DLG2: variants seen among roughly 807,000 people sequenced by gnomAD.
The protein encoded by DLG2 is discs large MAGUK scaffold protein 2, also known as disks large homolog 2.
In DLG2, 45 loss-of-function variants were observed where a neutral mutation model predicts 132.5. The ratio of observed to expected loss-of-function variants is 0.34; its 90% CI spans 0.27 to 0.44. DLG2 has a LOEUF of 0.44. DLG2 is among the 20% of genes least tolerant of loss of function. DLG2 has a pLI of 1.00. For synonymous variants in DLG2, 424 were observed against 419.6 expected (o/e 1.01, Z -0.13); for missense variants, 1,045 against 1,196.9 (o/e 0.87, Z 1.87).
chr11:85,333,725 CA>C (rs777090371), intron 3 of DLG2, among the ~76,000 whole-genome samples: 10 of 152,104 alleles, frequency 6.6e-5, no homozygotes, highest in Admixed American at 5.2e-4. Flanking sequence ...TGTGATGAAT[CA>C]AATTTATTGA....
chr11:85,297,295 A>T (rs2079293575), intron 3 of DLG2, among the ~76,000 whole-genome samples: 2 of 152,172 alleles, frequency 1.3e-5, no homozygotes, highest in South Asian at 4.1e-4. Context: ...CTAAAGTGAT[A>T]GTGGAAAGCC....
intron 6 of DLG2, among the ~76,000 whole-genome samples, chr11:85,009,222 A>ATTC (rs2058948671): frequency 6.6e-6 from 1 of 152,134 alleles, no homozygotes. Flanking sequence ...CCAGAGACCT[A>ATTC]TTATAACCAG....
At chr11:84,187,657 T>C (rs1182378144) in intron 8 of DLG2, among the ~76,000 whole-genome samples, 1 of 152,046 alleles carries the variant, frequency 6.6e-6, no homozygotes, top group Non-Finnish European at 1.5e-5. Context: ...GGTATTGTCA[T>C]CAGCAAAATC....
intron 3 of DLG2, among the ~76,000 whole-genome samples, chr11:85,367,167 T>C (rs539743795): frequency 6.6e-6 from 1 of 152,272 alleles, no homozygotes; most frequent in African/African-American, 2.4e-5. Flanking sequence ...ATCCCTTTAA[T>C]TTAGTTTAAT....
chr11:84,439,970 T>C (rs2099012685), intron 7 of DLG2, among the ~76,000 whole-genome samples: 1 of 152,210 alleles, frequency 6.6e-6, no homozygotes, highest in Non-Finnish European at 1.5e-5. Flanking sequence ...GACATTATAA[T>C]TTTTTATATC....
chr11:83,613,291 C>A lies in DLG2; in HGVS notation c.1940+19920G>T, dbSNP rs568813722. 3.9e-5 allele frequency among the ~76,000 whole-genome samples: 6 copies of A among 152,268 alleles called. No individual in the cohort carries two copies. In the South Asian group the frequency reaches 6.2e-4, roughly 16 times the overall value. On this transcript the variant is annotated intron_variant, in intron 19 of 27. Coordinates refer to ENST00000376104, the MANE Select transcript of DLG2 (RefSeq NM_001142699.3). ...TAGTTGTACCTGAATTTACTGCAAG[C>A]CCAGTCATTGCTATATACACATGTG...
At chr11:84,324,127 C>T (rs149336407) in intron 7 of DLG2, among the ~76,000 whole-genome samples, 74 of 152,112 alleles carry the variant, frequency 4.9e-4, no homozygotes, top group African/African-American at 1.3e-3. Flanking sequence ...TCCAAGAAAT[C>T]GCAGTAAAGA....
intron 7 of DLG2, among the ~76,000 whole-genome samples, chr11:84,307,173 C>T (rs1379978196): frequency 6.6e-6 from 1 of 152,092 alleles, no homozygotes. Flanking sequence ...AGCCATAAAA[C>T]AGAATGAAAT....
intron 6 of DLG2, among the ~76,000 whole-genome samples, chr11:84,577,100 T>C (rs924258420): frequency 6.6e-6 from 1 of 152,204 alleles, no homozygotes; most frequent in Non-Finnish European, 1.5e-5. Flanking sequence ...CATTTTTCTC[T>C]TGCTGCTGAC....
intron 6 of DLG2, among the ~76,000 whole-genome samples, chr11:84,556,743 A>G (rs2099412699): frequency 6.6e-6 from 1 of 152,190 alleles, no homozygotes; most frequent in Non-Finnish European, 1.5e-5. Context: ...ATTAAAAATT[A>G]TATTTCAAAC....
intron 19 of DLG2, among the ~76,000 whole-genome samples, chr11:83,610,735 C>A (rs1174486534): frequency 6.6e-6 from 1 of 152,048 alleles, no homozygotes; most frequent in African/African-American, 2.4e-5. Context: ...TACATATAGA[C>A]TGAACACTAT....
At chr11:85,062,309 T>A (rs2064237797) in intron 6 of DLG2, among the ~76,000 whole-genome samples, 1 of 151,842 alleles carries the variant, frequency 6.6e-6, no homozygotes, top group Admixed American at 6.6e-5. Context: ...ATTTAATTTG[T>A]GTTTGATCAT....
chr11:84,130,935 A>G (rs2094397222), intron 9 of DLG2, among the ~76,000 whole-genome samples: 2 of 152,036 alleles, frequency 1.3e-5, no homozygotes, highest in Non-Finnish European at 2.9e-5. Flanking sequence ...TTAAAAAGGC[A>G]AACATATTAC....
chr11:85,033,191 C>G (rs368576491), intron 6 of DLG2, among the ~76,000 whole-genome samples: 1 of 151,978 alleles, frequency 6.6e-6, no homozygotes, highest in East Asian at 1.9e-4. Flanking sequence ...AATTTTATTA[C>G]TATAAAAATC....
chr11:84,146,246 T>C (rs2095076770), intron 9 of DLG2, among the ~76,000 whole-genome samples: 1 of 92,894 alleles, frequency 1.1e-5, no homozygotes, highest in Admixed American at 1.2e-4. Flanking sequence ...CTGGAGAGCT[T>C]TGCTTTATCA....
chr11:84,236,631 T>C (rs1006707746), intron 8 of DLG2, among the ~76,000 whole-genome samples: 6 of 152,236 alleles, frequency 3.9e-5, no homozygotes, highest in Non-Finnish European at 7.3e-5. Flanking sequence ...CCTGAGGGCA[T>C]GTGCCTTGCA....
intron 3 of DLG2, among the ~76,000 whole-genome samples, chr11:85,295,633 A>T (rs557710888): frequency 3.0e-4 from 45 of 152,284 alleles, no homozygotes; most frequent in African/African-American, 1.1e-3. Context: ...GCATAATAGA[A>T]TGTTAGGGGT....
intron 2 of DLG2, among the ~76,000 whole-genome samples, chr11:85,603,750 TACA>T (rs1263752314): frequency 2.0e-5 from 3 of 152,112 alleles, no homozygotes; most frequent in Non-Finnish European, 4.4e-5. Flanking sequence ...ACCCTTTCTC[TACA>T]ACAAAATTTT....
rs185976656 is a variant in DLG2 at position 84,272,206 on chromosome 11, C to T, written c.520-20915G>A. On this transcript the variant is annotated intron_variant, in intron 7 of 27. Transcript: ENST00000376104. ...TTCAAATATAGCCCAGAGTTTGTGA[C>T]ATTTAAGTGATTTCGAAGTTACAGG... The T allele has an allele frequency of 7.6e-4, 290 of 380,792 alleles. 4 individuals are homozygous for T. The highest frequency in any genetic ancestry group is 5.9e-3 in the African/African-American group (278 of 47,516). 23.6% of individuals were successfully genotyped at this position (380,792 alleles called of 1,614,324 possible).
Sources: gnomAD v4.1 joint callset for allele counts (sites outside exome capture counted in the v4.1 genomes callset) on GRCh38, gnomAD v4.1.1 for gene constraint, MANE v1.5 for transcripts, NCBI Gene and HGNC (gene_info 2026-07-23, HGNC 2026-07-21) for gene names.